FOXP2: variants seen among roughly 807,000 people sequenced by gnomAD.
FOXP2 encodes forkhead box protein P2.
In FOXP2, 12 loss-of-function variants were observed where a neutral mutation model predicts 115.8. That is an observed-to-expected ratio of 0.10 (90% confidence interval 0.07 to 0.17). The LOEUF (loss-of-function observed/expected upper bound fraction) is 0.17, where lower values mean the gene tolerates loss of function less well. Among genes scored for constraint, FOXP2 ranks in the 10% least tolerant of loss-of-function variants. The pLI, the probability that FOXP2 is intolerant of heterozygous loss-of-function variation, is 1.00. For missense variants in FOXP2, 629 were observed against 843.5 expected, an observed-to-expected ratio of 0.75 and a Z score of 3.15; for synonymous variants, 328 against 297.7, an observed-to-expected ratio of 1.10 and a Z score of -1.05.
rs1796592954 is a variant in FOXP2, at chr7:114,291,646, C to T, written c.-11+3537C>T. ...TTCATTTAGAGCTCAGGGTCCTCTT[C>T]CAAACTCACGGGTTTTTGGCTGAAT... On this transcript the variant is annotated intron_variant, in intron 2 of 17. Coordinates refer to the FOXP2 transcript ENST00000634411. Among the ~76,000 whole-genome samples, 3 of 151,410 alleles carry T rather than the reference C, an allele frequency of 2.0e-5. No homozygotes were observed. In the South Asian group the frequency reaches 6.2e-4, roughly 31 times the overall value.
At chr7:114,634,904 T>C (rs548406398) in intron 6 of FOXP2, among the ~76,000 whole-genome samples, 4 of 152,170 alleles carry the variant, frequency 2.6e-5, no homozygotes, top group Non-Finnish European at 5.9e-5. Context: ...TTACTATGAC[T>C]ATATGGATAG....
chr7:114,331,964 G>T (rs561758564), intron 2 of FOXP2, among the ~76,000 whole-genome samples: 1 of 152,068 alleles, frequency 6.6e-6, no homozygotes, highest in South Asian at 2.1e-4. Context: ...ATTTTCAGTA[G>T]TTGCATATCA....
chr7:114,231,563 A>C (rs1314327104), intron 1 of FOXP2, among the ~76,000 whole-genome samples: 1 of 152,194 alleles, frequency 6.6e-6, no homozygotes, highest in Non-Finnish European at 1.5e-5. Flanking sequence ...AAATAAAATA[A>C]TGTATGATCT....
intron 1 of FOXP2, among the ~76,000 whole-genome samples, chr7:114,184,499 A>G (rs908548669): frequency 6.6e-6 from 1 of 152,206 alleles, no homozygotes; most frequent in Admixed American, 6.6e-5. Flanking sequence ...AGAATAACAC[A>G]TTAAGCAATT....
chr7:114,319,027 T>C (rs1797343112), intron 2 of FOXP2, among the ~76,000 whole-genome samples: 1 of 152,150 alleles, frequency 6.6e-6, no homozygotes, highest in African/African-American at 2.4e-5. Context: ...GGGGTTCCAA[T>C]ACCAGATTAG....
chr7:114,562,893 C>T (rs981856318), intron 3 of FOXP2, among the ~76,000 whole-genome samples: 7 of 152,002 alleles, frequency 4.6e-5, no homozygotes, highest in African/African-American at 7.3e-5. Flanking sequence ...TCTGTCCTCA[C>T]GCTGCTAGTA....
intron 16 of FOXP2, among the ~76,000 whole-genome samples, chr7:114,675,029 A>G (rs1241230611): frequency 6.6e-6 from 1 of 152,118 alleles, no homozygotes; most frequent in Non-Finnish European, 1.5e-5. Flanking sequence ...GATATGTTAA[A>G]TAAACTAAAA....
At chr7:114,685,618 TGA>T (rs1017477796) in intron 16 of FOXP2, among the ~76,000 whole-genome samples, 3 of 152,164 alleles carry the variant, frequency 2.0e-5, no homozygotes, top group African/African-American at 7.2e-5. Flanking sequence ...TAATCTATAC[TGA>T]GAATTGAGAG....
chr7:114,363,308 C>T (rs1311642942), intron 2 of FOXP2, among the ~76,000 whole-genome samples: 2 of 151,986 alleles, frequency 1.3e-5, no homozygotes, highest in African/African-American at 4.8e-5. Flanking sequence ...ATGCCCATAA[C>T]AATTCTTATG....
intron 2 of FOXP2, among the ~76,000 whole-genome samples, chr7:114,325,724 G>A (rs1797538917): frequency 1.3e-5 from 2 of 151,990 alleles, no homozygotes; most frequent in African/African-American, 4.8e-5. Context: ...ATGGATCACA[G>A]AAATATTTTC....
At chr7:114,453,292 T>C (rs1387142241) in intron 2 of FOXP2, among the ~76,000 whole-genome samples, 1 of 152,108 alleles carries the variant, frequency 6.6e-6, no homozygotes, top group Non-Finnish European at 1.5e-5. Context: ...TCCCTTACGT[T>C]AGAAACAGGA....
intron 3 of FOXP2, among the ~76,000 whole-genome samples, chr7:114,537,177 T>C (rs1015614191): frequency 6.6e-6 from 1 of 151,606 alleles, no homozygotes; most frequent in Non-Finnish European, 1.5e-5. Context: ...TATATAATTC[T>C]CTCAAAATTT....
At chr7:114,160,450 A>C (rs559745344), upstream of FOXP2, among the ~76,000 whole-genome samples, 1 of 152,244 alleles carries the variant, frequency 6.6e-6, no homozygotes. Flanking sequence ...TGGTGAATTC[A>C]TTGACATATA....
At chr7:114,623,635 C>A (rs1804374816) in intron 3 of FOXP2, among the ~76,000 whole-genome samples, 1 of 151,714 alleles carries the variant, frequency 6.6e-6, no homozygotes, top group South Asian at 2.1e-4. Flanking sequence ...ACCAGCAGTA[C>A]AAAGAAAAGA....
chr7:114,282,840 C>T (rs182463363), intron 1 of FOXP2, among the ~76,000 whole-genome samples: 1 of 152,204 alleles, frequency 6.6e-6, no homozygotes, highest in East Asian at 1.9e-4. Context: ...TTTGCAACAT[C>T]TGTACAAATG....
At chr7:114,290,305 A>T (rs936948366) in intron 2 of FOXP2, among the ~76,000 whole-genome samples, 1 of 152,028 alleles carries the variant, frequency 6.6e-6, no homozygotes, top group Non-Finnish European at 1.5e-5. Flanking sequence ...AAAATGTTTC[A>T]TACAACTTAT....
intron 2 of FOXP2, among the ~76,000 whole-genome samples, chr7:114,328,053 T>A (rs1797602471): frequency 6.6e-6 from 1 of 151,560 alleles, no homozygotes; most frequent in East Asian, 2.0e-4. Flanking sequence ...CCCTAGTAGC[T>A]GAGCCTAAAG....
At chr7:114,232,310 C>A (rs1794899485) in intron 1 of FOXP2, among the ~76,000 whole-genome samples, 1 of 152,134 alleles carries the variant, frequency 6.6e-6, no homozygotes, top group Non-Finnish European at 1.5e-5. Flanking sequence ...TAAGGAGATT[C>A]TTCCAAAAAT....
intron 2 of FOXP2, among the ~76,000 whole-genome samples, chr7:114,529,683 G>A (rs1799043598): frequency 6.6e-6 from 1 of 151,442 alleles, no homozygotes; most frequent in African/African-American, 2.4e-5. Context: ...TTATGTATCA[G>A]GCATGAAAAA....
Sources: gnomAD v4.1 joint callset for allele counts (sites outside exome capture counted in the v4.1 genomes callset) on GRCh38, gnomAD v4.1.1 for gene constraint, MANE v1.5 for transcripts, NCBI Gene and HGNC (gene_info 2026-07-23, HGNC 2026-07-21) for gene names.